The following ZNF582 variants were observed in gnomAD, a reference collection of about 807,000 sequenced individuals.
The protein encoded by ZNF582 is zinc finger protein 582.
Under a neutral mutation model 12.3 loss-of-function variants are expected in ZNF582, and 14 were observed. That is an observed-to-expected ratio of 1.14 (90% confidence interval 0.75 to 1.78). The LOEUF (loss-of-function observed/expected upper bound fraction) is 1.78. Ranked by LOEUF, ZNF582 falls within the 40% of genes most tolerant of loss-of-function variation. The probability of loss-of-function intolerance (pLI) is 0.00; values close to 1 mark genes in which losing one functional copy is unlikely to be tolerated. For synonymous variants in ZNF582, 210 were observed against 207.2 expected (o/e 1.01, Z -0.11); for missense variants, 567 against 616.5 (o/e 0.92, Z 0.85).
At chr19:56,390,586 G>A (rs770071559) in intron 2 of ZNF582, 85 bp from the exon 3 acceptor site, 8 of 1,510,292 alleles carry the variant, frequency 5.3e-6, no homozygotes, top group Non-Finnish European at 6.3e-6. Flanking sequence ...TTTGCGGGAG[G>A]GGGGGTTGTT....
rs1244544392 is a variant in ZNF582 at position 56,386,988 on chromosome 19, G to A, written c.233-1804C>T. 2.6e-5 allele frequency among the ~76,000 whole-genome samples: 4 copies of A among 152,186 alleles called. No homozygotes were observed. The South Asian group carries it at 8.3e-4, about 31-fold the overall frequency. On this transcript the variant is annotated intron_variant, in intron 4 of 4. Coordinates refer to ENST00000586929, the Ensembl canonical transcript of ZNF582. The stretch of plus-strand genomic sequence containing the variant: ...AATGCACCTTTTCATACTTTAAATT[G>A]ATATATGTATATAACCCTTAAACGT...
chr19:56,390,542 G>A (rs758328868), intron 2 of ZNF582, 41 bp from the exon 3 acceptor site: 7 of 1,609,358 alleles, frequency 4.3e-6, no homozygotes. Context: ...TATTTCAATG[G>A]TTCACAGTGG....
At chr19:56,386,808 A>G (rs1041555205) in intron 4 of ZNF582, 1 of 152,280 alleles carries the variant, frequency 6.6e-6, no homozygotes, top group Non-Finnish European at 1.5e-5. Flanking sequence ...TTGGCCTCCC[A>G]AAGTGCTGGG....
rs764235718 is a variant in ZNF582 at position 56,391,808 on chromosome 19, AG to A, written c.-57del. 6.2e-7 allele frequency: 1 copy of A among 1,614,032 alleles called. No homozygotes were observed. The highest frequency in any genetic ancestry group is 1.3e-5 in the African/African-American group (1 of 74,926). On this transcript the variant is annotated 5_prime_UTR_variant, in exon 2 of 5. An upstream open reading frame in the 5' UTR gains an earlier in-frame stop. Coordinates refer to ENST00000586929, the Ensembl canonical transcript of ZNF582. ...CTCCTTCTGGTTCCTCTCTTGGGGA[AG>A]GGCAGAGTCCTGCGACGGTAGAGCT...
chr19:56,390,334 C>T, intron 3 of ZNF582, 41 bp downstream of exon 3: 1 of 1,613,244 alleles, frequency 6.2e-7, no homozygotes, highest in African/African-American at 1.3e-5. Context: ...AAGGAACATG[C>T]CCAAGGATAA....
At chr19:56,385,217 T>TC in intron 4 of ZNF582, 33 bp from the exon 5 acceptor site, 1 of 1,528,948 alleles carries the variant, frequency 6.5e-7, no homozygotes, top group Non-Finnish European at 8.7e-7. Flanking sequence ...ATGTTTGGCT[T>TC]CTTTTTTTTT....
At chr19:56,384,058 A>G (rs747113086) in exon 5 of ZNF582, 1 of 1,611,772 alleles carries the variant, frequency 6.2e-7, no homozygotes, top group Non-Finnish European at 8.5e-7. Context: ...CACATTCCTT[A>G]TATTCATAGG....
In ZNF582 at chr19:56,384,270, TG is replaced by T. The variant is rs1162157099; in HGVS notation, c.1146del (p.Lys383SerfsTer56). 4 of 1,614,132 alleles carry T rather than the reference TG, an allele frequency of 2.5e-6. No individual in the cohort carries two copies. The East Asian group carries it at 8.9e-5, about 36-fold the overall frequency. ...CCAGTGTGAATTCTCTGATGTTGCT[TG>T]AGTTGTGAGCTCACTCTAAAGGCCT... On this transcript the variant is annotated frameshift_variant, in exon 5 of 5. Coordinates refer to ENST00000586929, the Ensembl canonical transcript of ZNF582. LOFTEE classifies it low-confidence loss of function (END_TRUNC).
At chr19:56,388,344 A>G (rs1275050162) in intron 4 of ZNF582, 1 of 152,260 alleles carries the variant, frequency 6.6e-6, no homozygotes, top group Non-Finnish European at 1.5e-5. Flanking sequence ...TAAATGAAGA[A>G]ACAAATGGTG....
At chr19:56,391,048 A>G (rs1284024768) in intron 2 of ZNF582, among the ~76,000 whole-genome samples, 1 of 152,212 alleles carries the variant, frequency 6.6e-6, no homozygotes, top group Non-Finnish European at 1.5e-5. Flanking sequence ...AACCATGGAG[A>G]TAACTTTTAT....
rs181717012 is a variant in ZNF582, at chr19:56,389,585, C to T, written c.232+416G>A. 1.6e-3 allele frequency among the ~76,000 whole-genome samples: 236 copies of T among 152,010 alleles called. 1 individual carries two copies. Among genetic ancestry groups the T allele is most frequent in the Non-Finnish European group, 2.4e-3 (162 of 67,986 alleles). On this transcript the variant is annotated intron_variant, in intron 4 of 4. Coordinates refer to ENST00000586929, the Ensembl canonical transcript of ZNF582. ...TAACTAATGAGTACTAGGCTTAATA[C>T]CTGGGTGATGAAATAATCTGTAAAC... is the stretch of plus-strand genomic sequence containing the variant.
chr19:56,390,483 C>G (rs769136861), exon 3 of ZNF582: 9 of 1,613,972 alleles, frequency 5.6e-6, no homozygotes, highest in Non-Finnish European at 7.6e-6. Context: ...ATGGCCACAT[C>G]CCTGAACAAT....
chr19:56,391,681 T>C, intron 2 of ZNF582, 63 bp downstream of exon 2: 1 of 1,506,192 alleles, frequency 6.6e-7, no homozygotes, highest in East Asian at 2.3e-5. Flanking sequence ...AATTTCTGGA[T>C]GGAACCCAGG....
At chr19:56,391,783 C>T in exon 2 of ZNF582, 1 of 1,614,214 alleles carries the variant, frequency 6.2e-7, no homozygotes, top group Non-Finnish European at 8.5e-7. Context: ...CTGATAGGTC[C>T]TCCTTCTGGT....
chr19:56,388,033 G>A (rs2041982573), intron 4 of ZNF582, among the ~76,000 whole-genome samples: 1 of 151,904 alleles, frequency 6.6e-6, no homozygotes, highest in Admixed American at 6.6e-5. Flanking sequence ...TGGCATTCTT[G>A]CATTTATGTA....
chr19:56,390,061 G>C, exon 4 of ZNF582: 1 of 1,613,856 alleles, frequency 6.2e-7, no homozygotes, highest in Non-Finnish European at 8.5e-7. Flanking sequence ...CCTTGCTCTA[G>C]GAAGGAGATC....
At chr19:56,384,516 G>A (rs1375941637) in exon 5 of ZNF582, 1 of 1,613,316 alleles carries the variant, frequency 6.2e-7, no homozygotes, top group Non-Finnish European at 8.5e-7. Flanking sequence ...ATTCTATAAT[G>A]TACTTTAAGA....
intron 4 of ZNF582, among the ~76,000 whole-genome samples, chr19:56,385,976 T>C (rs2041963099): frequency 6.6e-6 from 1 of 152,166 alleles, no homozygotes; most frequent in South Asian, 2.1e-4. Flanking sequence ...AGAGTGAATT[T>C]TAAAAAGATG....
chr19:56,391,539 C>T (rs919753870), intron 2 of ZNF582, among the ~76,000 whole-genome samples: 3 of 152,096 alleles, frequency 2.0e-5, no homozygotes, highest in Non-Finnish European at 2.9e-5. Context: ...TCCTAGCAGA[C>T]GAAAACCATC....
Sources: allele counts gnomAD v4.1 joint callset (sites outside exome capture counted in the v4.1 genomes callset), GRCh38; gene constraint gnomAD v4.1.1; transcripts MANE v1.5; gene names NCBI Gene and HGNC (gene_info 2026-07-23, HGNC 2026-07-21).